The following MEOX2 variants were observed in gnomAD, a reference collection of about 807,000 sequenced individuals.
The protein encoded by MEOX2 is homeobox protein MOX-2.
In MEOX2, 11 loss-of-function variants were observed where a neutral mutation model predicts 27.0. The observed-to-expected ratio is 0.41, with a 90% CI of 0.26 to 0.68. The LOEUF (loss-of-function observed/expected upper bound fraction) is 0.68, where lower values mean the gene tolerates loss of function less well. Ranked by LOEUF, MEOX2 falls within the 30% of genes least tolerant of loss-of-function variation. MEOX2 has a pLI of 0.33. For missense variants in MEOX2, 436 were observed against 385.4 expected (o/e 1.13, Z -1.10); for synonymous variants, 189 against 155.4 (o/e 1.22, Z -1.61).
chr7:15,683,145 G>T (rs925168876), intron 1 of MEOX2, among the ~76,000 whole-genome samples: 25 of 151,904 alleles, frequency 1.6e-4, no homozygotes, highest in Admixed American at 1.6e-3. Flanking sequence ...AAATTGTAAG[G>T]TTTATAAATA....
chr7:15,631,779 A>T (rs926463540), intron 1 of MEOX2, among the ~76,000 whole-genome samples: 7 of 151,814 alleles, frequency 4.6e-5, no homozygotes, highest in Admixed American at 4.6e-4. Flanking sequence ...GAGATGCTTT[A>T]TAAAATCTAT....
At chr7:15,625,072 TGA>T (rs1334398626) in intron 2 of MEOX2, among the ~76,000 whole-genome samples, 2 of 152,168 alleles carry the variant, frequency 1.3e-5, no homozygotes, top group Admixed American at 6.6e-5. Context: ...TCCTCTTGGC[TGA>T]GAGCACAGTA....
intron 1 of MEOX2, among the ~76,000 whole-genome samples, chr7:15,671,344 T>C (rs1397278765): frequency 6.6e-6 from 1 of 152,226 alleles, no homozygotes; most frequent in Non-Finnish European, 1.5e-5. Context: ...GGAATCAGTA[T>C]CAGAGTCATT....
chr7:15,628,421 A>T (rs958356216), intron 1 of MEOX2, among the ~76,000 whole-genome samples: 4 of 152,116 alleles, frequency 2.6e-5, no homozygotes, highest in African/African-American at 9.7e-5. Flanking sequence ...ACTGACCATT[A>T]CTTATCCTCT....
At chr7:15,685,372 C>CT (rs936066123) in intron 1 of MEOX2, among the ~76,000 whole-genome samples, 8 of 151,458 alleles carry the variant, frequency 5.3e-5, no homozygotes, top group African/African-American at 1.7e-4. Flanking sequence ...AAAACTGAAA[C>CT]TTTTTTTTCT....
chr7:15,668,613 C>A (rs968743559), intron 1 of MEOX2, among the ~76,000 whole-genome samples: 1 of 152,072 alleles, frequency 6.6e-6, no homozygotes, highest in African/African-American at 2.4e-5. Context: ...TCCTGAGTAG[C>A]TAGGATTACA....
At chr7:15,629,340 C>T (rs1243264970) in intron 1 of MEOX2, among the ~76,000 whole-genome samples, 2 of 151,946 alleles carry the variant, frequency 1.3e-5, no homozygotes, top group Non-Finnish European at 2.9e-5. Context: ...TAGAAATATA[C>T]AACAGGAGGT....
intron 1 of MEOX2, among the ~76,000 whole-genome samples, chr7:15,635,130 A>C (rs1056852123): frequency 1.3e-5 from 2 of 151,972 alleles, no homozygotes; most frequent in Non-Finnish European, 2.9e-5. Flanking sequence ...ATTCTTACAA[A>C]CCGTCTATTT....
intron 1 of MEOX2, among the ~76,000 whole-genome samples, chr7:15,638,018 C>T (rs1781510772): frequency 6.6e-6 from 1 of 152,042 alleles, no homozygotes; most frequent in African/African-American, 2.4e-5. Context: ...TATTAGTTTA[C>T]ATATTTCATT....
chr7:15,664,550 G>C (rs1196195224), intron 1 of MEOX2, among the ~76,000 whole-genome samples: 3 of 152,098 alleles, frequency 2.0e-5, no homozygotes, highest in Non-Finnish European at 2.9e-5. Context: ...CACCTTTCTA[G>C]TAAAAGCTCC....
At chr7:15,624,709 C>T (rs1414639651) in intron 2 of MEOX2, among the ~76,000 whole-genome samples, 1 of 152,040 alleles carries the variant, frequency 6.6e-6, no homozygotes, top group East Asian at 1.9e-4. Flanking sequence ...CCAACTAAGC[C>T]CAGTCAAAAT....
chr7:15,655,430 T>C (rs1397317118), intron 1 of MEOX2, among the ~76,000 whole-genome samples: 2 of 151,656 alleles, frequency 1.3e-5, no homozygotes. Context: ...TTGCTTTGAG[T>C]TTATTTTGCT....
intron 2 of MEOX2, among the ~76,000 whole-genome samples, chr7:15,621,055 G>A (rs1156840015): frequency 6.6e-6 from 1 of 152,102 alleles, no homozygotes; most frequent in African/African-American, 2.4e-5. Context: ...AGTTTATCTG[G>A]ATGGAGAAAA....
intron 2 of MEOX2, among the ~76,000 whole-genome samples, chr7:15,622,308 T>C (rs1232979543): frequency 6.6e-6 from 1 of 152,180 alleles, no homozygotes; most frequent in Admixed American, 6.5e-5. Context: ...TGCATATGTG[T>C]ATATTTACAC....
chr7:15,664,167 G>A (rs980344500), intron 1 of MEOX2, among the ~76,000 whole-genome samples: 1 of 152,156 alleles, frequency 6.6e-6, no homozygotes, highest in Non-Finnish European at 1.5e-5. Context: ...CTCTGCTATT[G>A]AGACACATAA....
Position 15,626,815 on chromosome 7 carries a change from G to A in MEOX2, c.621C>T (p.Ala207=), listed in dbSNP as rs752379059. The stretch of plus-strand genomic sequence containing the variant: ...TCAGTCTGGTGAGATAATTATGATG[G>A]GCAAATTCTGCTTCAAGTTCTCTGA... ...EQIRELEAEF[A]HHNYLTRLRR... is the part of the protein sequence containing the mutation. Residue 207 remains alanine, a synonymous_variant, in exon 2 of 3, where the codon GCC becomes GCT. Transcript: ENST00000262041. 6.2e-7 allele frequency: 1 copy of A among 1,609,718 alleles called. No individual in the cohort carries two copies. The highest frequency in any genetic ancestry group is 8.5e-7 in the Non-Finnish European group (1 of 1,178,604).
intron 2 of MEOX2, among the ~76,000 whole-genome samples, chr7:15,614,993 T>C (rs1781099780): frequency 1.3e-5 from 2 of 152,072 alleles, no homozygotes; most frequent in South Asian, 4.1e-4. Flanking sequence ...AAATCATGTA[T>C]CATATATTGC....
intron 1 of MEOX2, chr7:15,676,227 GAACA>G (rs1182755122): frequency 2.0e-5 from 3 of 152,036 alleles, no homozygotes; most frequent in Admixed American, 6.6e-5. Context: ...ATGCAAATGT[GAACA>G]AACAAATAAT....
At chr7:15,648,346 T>C (rs1781681462) in intron 1 of MEOX2, among the ~76,000 whole-genome samples, 1 of 152,098 alleles carries the variant, frequency 6.6e-6, no homozygotes, top group Admixed American at 6.6e-5. Context: ...TTCCTTAAAA[T>C]TGTAACCAAC....
Sources: gnomAD v4.1 joint callset for allele counts (sites outside exome capture counted in the v4.1 genomes callset) on GRCh38, gnomAD v4.1.1 for gene constraint, MANE v1.5 for transcripts, NCBI Gene and HGNC (gene_info 2026-07-23, HGNC 2026-07-21) for gene names.